SHPK: variants seen among roughly 807,000 people sequenced by gnomAD.
SHPK encodes sedoheptulokinase.
SHPK carries 51 observed loss-of-function variants against 46.3 expected under a neutral mutation model. The observed-to-expected ratio is 1.10, with a 90% CI of 0.88 to 1.39. The LOEUF (loss-of-function observed/expected upper bound fraction) is 1.39, where lower values mean the gene tolerates loss of function less well. Ranked by LOEUF, SHPK falls within the 40% of genes most tolerant of loss-of-function variation. The pLI is 0.00. For synonymous variants in SHPK, 290 were observed against 273.9 expected, an observed-to-expected ratio of 1.06 and a Z score of -0.58; for missense variants, 668 against 641.3, an observed-to-expected ratio of 1.04 and a Z score of -0.45.
intron 1 of SHPK, 61 bp from the exon 2 acceptor site, chr17:3,630,407 G>A: frequency 6.7e-7 from 1 of 1,503,246 alleles, no homozygotes; most frequent in Non-Finnish European, 9.0e-7. Context: ...AGGGGCGCAG[G>A]CCTCCCGGGA....
At chr17:3,624,328 G>A (rs547177763) in intron 2 of SHPK, 97 bp from the exon 3 acceptor site, 6 of 1,150,828 alleles carry the variant, frequency 5.2e-6, no homozygotes, top group Admixed American at 2.4e-5. Flanking sequence ...CAAAATATGT[G>A]CGAATCGTCC....
intron 1 of SHPK, among the ~76,000 whole-genome samples, chr17:3,634,999 C>G (rs1269002340): frequency 1.3e-5 from 2 of 151,736 alleles, no homozygotes; most frequent in Non-Finnish European, 2.9e-5. Flanking sequence ...TGGCGAAACC[C>G]TGTCTCTACT....
At chr17:3,633,385 G>C (rs1048390129) in intron 1 of SHPK, among the ~76,000 whole-genome samples, 3 of 151,038 alleles carry the variant, frequency 2.0e-5, no homozygotes, top group South Asian at 2.1e-4. Context: ...TGGGGAAGAG[G>C]GGCAAGCGTG....
intron 1 of SHPK, among the ~76,000 whole-genome samples, chr17:3,634,576 A>T (rs1185303518): frequency 1.3e-5 from 2 of 150,388 alleles, no homozygotes; most frequent in Non-Finnish European, 3.0e-5. Flanking sequence ...TGTCTCAAAA[A>T]AAAAAAAAAA....
chr17:3,610,590 G>C lies in SHPK; in HGVS notation c.1407C>G (p.Leu469=), dbSNP rs754159682. 8 of 1,609,698 alleles carry C rather than the reference G, an allele frequency of 5.0e-6. No homozygotes were observed. In the East Asian group the frequency reaches 1.8e-4, roughly 36 times the overall value. The change falls in exon 7 of 7, where the codon CTC becomes CTG. Residue 469 remains leucine, a synonymous_variant. Transcript: ENST00000225519. The part of the protein sequence containing the change: ...DAAVGAALVM[L]RRHLNQKES ...ATTCCTTCTGGTTGAGGTGTCTCCG[G>C]AGCATGACCAGAGCTGCCCCGACAG...
rs1413891043 is a variant in SHPK at position 3,610,710 on chromosome 17, G to A, written c.1287C>T (p.Gly429=). The change falls in exon 7 of 7, where the codon GGC becomes GGT. Residue 429 remains glycine, a synonymous_variant. Coordinates refer to ENST00000225519, the MANE Select transcript of SHPK (RefSeq NM_013276.4). ...LQEWGVERVM[G]SGSALSRNDV... is the part of the protein sequence containing the mutation. The stretch of plus-strand genomic sequence containing the variant: ...CATTCCTGGACAGCGCACTCCCACT[G>A]CCCATCACCCTCTCCACGCCCCACT... The A allele has an allele frequency of 3.7e-6, 6 of 1,613,928 alleles. No individual in the cohort carries two copies. The African/African-American group carries it at 6.7e-5, about 18-fold the overall frequency.
Position 3,610,728 on chromosome 17 carries a change from GCCC to G in SHPK, c.1266_1268del (p.Trp422_Gly423delinsCys). 1 of 1,614,028 alleles carries G rather than the reference GCCC, an allele frequency of 6.2e-7. No individual in the cohort carries two copies. Among genetic ancestry groups the G allele is most frequent in the Non-Finnish European group, 8.5e-7 (1 of 1,179,976 alleles). On this transcript the variant is annotated inframe_deletion, in exon 7 of 7. Transcript: ENST00000225519. ...TCCCACTGCCCATCACCCTCTCCAC[GCCC>G]CACTCCTGGAGCTGCTGAATCGGAA...
intron 5 of SHPK, among the ~76,000 whole-genome samples, chr17:3,617,261 A>T (rs759662318): frequency 3.3e-5 from 5 of 152,198 alleles, no homozygotes; most frequent in Non-Finnish European, 5.9e-5. Flanking sequence ...GCAAACGGGC[A>T]TAAGTACCCA....
In SHPK at chr17:3,630,263, G is replaced by A. The variant is rs573649083; in HGVS notation, c.252C>T (p.Val84=). Residue 84 remains valine, a synonymous_variant, in exon 2 of 7, where the codon GTC becomes GTT. Coordinates refer to ENST00000225519, the MANE Select transcript of SHPK (RefSeq NM_013276.4). The part of the protein sequence containing the change: ...AALPRPQLRS[V]VGIGVSGQMH... Reference sequence around the variant, plus strand: ...TCTGGCCCGACACCCCGATGCCCACGACGCTCCGGAGCTGGGGTCGGGGAA... The same window carrying A: ...TCTGGCCCGACACCCCGATGCCCACAACGCTCCGGAGCTGGGGTCGGGGAA... 13 of 1,613,776 alleles carry A rather than the reference G, an allele frequency of 8.1e-6. No individual in the cohort carries two copies. In the Middle Eastern group the frequency reaches 4.9e-4, roughly 61 times the overall value.
chr17:3,616,813 A>G (rs9896342), intron 5 of SHPK, among the ~76,000 whole-genome samples: 23,584 of 152,206 alleles, frequency 0.15, 5,128 homozygotes, highest in African/African-American at 0.49. Flanking sequence ...ATCTTCGCTC[A>G]TGCAACCTCT....
At chr17:3,619,416 A>G in intron 5 of SHPK, 1 of 1,549,018 alleles carries the variant, frequency 6.5e-7, no homozygotes, top group Non-Finnish European at 8.9e-7. Flanking sequence ...AACTCGGGAC[A>G]TAAAGCCAAA....
intron 4 of SHPK, among the ~76,000 whole-genome samples, chr17:3,622,034 T>G (rs1054524921): frequency 1.1e-4 from 17 of 151,982 alleles, no homozygotes; most frequent in Non-Finnish European, 4.4e-5. Context: ...CACTGTAACC[T>G]CAACCTCCCA....
chr17:3,613,306 G>C (rs758586040), intron 6 of SHPK, among the ~76,000 whole-genome samples: 1 of 144,968 alleles, frequency 6.9e-6, no homozygotes, highest in Admixed American at 6.6e-5. Context: ...AGGATGCAAC[G>C]ATGTTTTTAA....
chr17:3,613,032 G>A (rs977322375), intron 6 of SHPK, among the ~76,000 whole-genome samples: 7 of 152,112 alleles, frequency 4.6e-5, no homozygotes, highest in Non-Finnish European at 8.8e-5. Context: ...TTACAGGTGT[G>A]AGCCACCACG....
At chr17:3,620,996 A>G (rs987161379) in intron 5 of SHPK, among the ~76,000 whole-genome samples, 14 of 152,192 alleles carry the variant, frequency 9.2e-5, no homozygotes, top group Admixed American at 3.9e-4. Context: ...ACCCAGCCCC[A>G]GAGGTGGTCA....
intron 2 of SHPK, among the ~76,000 whole-genome samples, chr17:3,629,376 C>T (rs150858): frequency 0.14 from 20,956 of 152,046 alleles, 1,833 homozygotes; most frequent in East Asian, 0.25. Context: ...TACCCACCTC[C>T]GCACTGTGGC....
At chr17:3,630,648 C>T (rs1000819477) in intron 1 of SHPK, among the ~76,000 whole-genome samples, 5 of 152,174 alleles carry the variant, frequency 3.3e-5, no homozygotes, top group African/African-American at 1.2e-4. Context: ...CACCTGAGGT[C>T]AGGAGTTCGA....
intron 2 of SHPK, among the ~76,000 whole-genome samples, chr17:3,629,274 A>G (rs983121283): frequency 1.3e-5 from 2 of 152,110 alleles, no homozygotes; most frequent in Non-Finnish European, 2.9e-5. Context: ...AGATCATGCA[A>G]CTGATGTCCT....
At chr17:3,629,547 G>A (rs1230401916) in intron 2 of SHPK, among the ~76,000 whole-genome samples, 1 of 151,864 alleles carries the variant, frequency 6.6e-6, no homozygotes, top group African/African-American at 2.4e-5. Context: ...GGCCAACATG[G>A]TGAAACCCCG....
Sources: gnomAD v4.1 joint callset for allele counts (sites outside exome capture counted in the v4.1 genomes callset) on GRCh38, gnomAD v4.1.1 for gene constraint, MANE v1.5 for transcripts, NCBI Gene and HGNC (gene_info 2026-07-23, HGNC 2026-07-21) for gene names.